SHROOM3: variants seen among roughly 807,000 people sequenced by gnomAD.
SHROOM3 encodes shroom family member 3, also known as protein Shroom3.
In SHROOM3, 47 loss-of-function variants were observed where a neutral mutation model predicts 138.6. The ratio of observed to expected loss-of-function variants is 0.34; its 90% CI spans 0.27 to 0.43. The LOEUF (loss-of-function observed/expected upper bound fraction) is 0.43. Ranked by LOEUF, SHROOM3 falls within the 20% of genes least tolerant of loss-of-function variation. SHROOM3 has a pLI of 1.00. For missense variants in SHROOM3, 2,491 were observed against 2,596.5 expected (o/e 0.96, Z 0.88); for synonymous variants, 1,062 against 1,063.3 (o/e 1.00, Z 0.02).
chr4:76,570,083 G>A (rs966744271), intron 2 of SHROOM3, among the ~76,000 whole-genome samples: 1 of 151,968 alleles, frequency 6.6e-6, no homozygotes, highest in South Asian at 2.1e-4. Flanking sequence ...AATAAAGTTT[G>A]GGGATGGTTT....
At chr4:76,679,904 T>A (rs1719141800) in intron 2 of SHROOM3, among the ~76,000 whole-genome samples, 1 of 152,188 alleles carries the variant, frequency 6.6e-6, no homozygotes, top group South Asian at 2.1e-4. Context: ...CATTACTCAT[T>A]GTCACCTAGA....
intron 2 of SHROOM3, among the ~76,000 whole-genome samples, chr4:76,573,381 CAATAATAATAATAATAATAAT>C (rs6148528): frequency 7.1e-5 from 10 of 141,050 alleles, no homozygotes; most frequent in Non-Finnish European, 1.1e-4. Flanking sequence ...TGCTGGTTGG[CAATAATAATAATAATAATAAT>C]AATAATAATA....
intron 5 of SHROOM3, among the ~76,000 whole-genome samples, chr4:76,745,667 G>A (rs988805781): frequency 1.3e-5 from 2 of 152,196 alleles, no homozygotes; most frequent in African/African-American, 4.8e-5. Context: ...GCCAGTCATT[G>A]TACTGTGTTT....
chr4:76,762,118 T>C lies in SHROOM3; in HGVS notation c.5349+2423T>C, dbSNP rs115348349. On this transcript the variant is annotated intron_variant, in intron 9 of 10. Coordinates refer to ENST00000296043, the MANE Select transcript of SHROOM3 (RefSeq NM_020859.4). The stretch of plus-strand genomic sequence containing the variant: ...TATTAGAATTCAGAAGAAAAAAAAA[T>C]CTGGAAGTTAAGCAACTAGTTTGTC... Among the ~76,000 whole-genome samples, 227 of 152,150 alleles carry C rather than the reference T, an allele frequency of 1.5e-3. 1 individual carries two copies. Among genetic ancestry groups the C allele is most frequent in the African/African-American group, 4.9e-3 (203 of 41,498 alleles).
intron 2 of SHROOM3, among the ~76,000 whole-genome samples, chr4:76,593,088 A>G (rs1183689577): frequency 6.6e-6 from 1 of 152,240 alleles, no homozygotes; most frequent in African/African-American, 2.4e-5. Flanking sequence ...CTCCAAGCAT[A>G]TGAAGACCAT....
intron 1 of SHROOM3, among the ~76,000 whole-genome samples, chr4:76,504,689 G>A (rs1021926540): frequency 5.3e-5 from 8 of 152,108 alleles, no homozygotes; most frequent in East Asian, 1.9e-4. Context: ...CCTAAAGTCC[G>A]ATACATCCTC....
chr4:76,598,634 C>T (rs779763071), intron 2 of SHROOM3, among the ~76,000 whole-genome samples: 2 of 152,250 alleles, frequency 1.3e-5, no homozygotes, highest in Non-Finnish European at 1.5e-5. Flanking sequence ...AAATTCAGCC[C>T]GTGCTTCGCC....
intron 9 of SHROOM3, among the ~76,000 whole-genome samples, chr4:76,764,791 G>T (rs1360072130): frequency 6.6e-6 from 1 of 152,152 alleles, no homozygotes; most frequent in African/African-American, 2.4e-5. Flanking sequence ...TTAGCATTTT[G>T]ATTATGATTT....
At chr4:76,561,464 C>T (rs1733594356) in intron 2 of SHROOM3, among the ~76,000 whole-genome samples, 1 of 151,984 alleles carries the variant, frequency 6.6e-6, no homozygotes, top group African/African-American at 2.4e-5. Context: ...GAATCTAGGT[C>T]TTAAGACTTT....
chr4:76,463,689 G>T (rs540471916), intron 1 of SHROOM3, among the ~76,000 whole-genome samples: 1 of 152,328 alleles, frequency 6.6e-6, no homozygotes, highest in East Asian at 1.9e-4. Flanking sequence ...AAGCCCCACT[G>T]CTCTTTGAAG....
intron 4 of SHROOM3, among the ~76,000 whole-genome samples, chr4:76,735,450 G>A (rs1293090158): frequency 2.0e-5 from 3 of 151,950 alleles, no homozygotes; most frequent in Non-Finnish European, 4.4e-5. Context: ...TTCTACCTTA[G>A]GTTTGCTACA....
At chr4:76,562,831 G>T (rs1039653042) in intron 2 of SHROOM3, among the ~76,000 whole-genome samples, 1 of 152,204 alleles carries the variant, frequency 6.6e-6, no homozygotes, top group African/African-American at 2.4e-5. Flanking sequence ...AAATGGAACA[G>T]AACTCCCTAT....
chr4:76,477,482 T>A (rs891935031), intron 1 of SHROOM3, among the ~76,000 whole-genome samples: 1 of 152,212 alleles, frequency 6.6e-6, no homozygotes, highest in African/African-American at 2.4e-5. Context: ...CCATTCATAA[T>A]GTTCACAGTG....
intron 1 of SHROOM3, among the ~76,000 whole-genome samples, chr4:76,553,911 A>G (rs550374966): frequency 6.6e-6 from 1 of 152,210 alleles, no homozygotes; most frequent in Non-Finnish European, 1.5e-5. Context: ...CCCCACTATC[A>G]AAATCCTGCA....
chr4:76,757,185 TCAAA>T (rs1277621737), intron 8 of SHROOM3: 4 of 508,408 alleles, frequency 7.9e-6, no homozygotes, highest in Non-Finnish European at 1.1e-5. Flanking sequence ...ACGTTGTGTG[TCAAA>T]CATTGTATTA....
chr4:76,750,217 A>G (rs866674720), intron 6 of SHROOM3, among the ~76,000 whole-genome samples: 11 of 152,208 alleles, frequency 7.2e-5, no homozygotes, highest in African/African-American at 2.7e-4. Context: ...TAAATGCTAG[A>G]GACAAGGGAA....
chr4:76,739,910 A>G lies in SHROOM3; in HGVS notation c.1737A>G (p.Gln579=). The change falls in exon 5 of 11, where the codon CAA becomes CAG. Residue 579 remains glutamine (Q), a synonymous_variant. Coordinates refer to ENST00000296043, the MANE Select transcript of SHROOM3 (RefSeq NM_020859.4). The part of the protein sequence containing the change: ...ASLKRHLTPP[Q]GNSPHSNERK... ...TGAAGAGACATCTCACACCTCCCCA[A>G]GGCAACAGCCCACATTCCAATGAGA... is the stretch of plus-strand genomic sequence containing the variant. 6.2e-7 allele frequency: 1 copy of G among 1,614,222 alleles called. No homozygotes were observed. Among genetic ancestry groups the G allele is most frequent in the Non-Finnish European group, 8.5e-7 (1 of 1,180,048 alleles).
At chr4:76,725,004 A>G (rs1358112379) in intron 3 of SHROOM3, among the ~76,000 whole-genome samples, 3 of 152,194 alleles carry the variant, frequency 2.0e-5, no homozygotes, top group East Asian at 3.8e-4. Context: ...TCTGTACGGT[A>G]TGGAAGAATC....
intron 7 of SHROOM3, among the ~76,000 whole-genome samples, chr4:76,756,176 A>T (rs1721804076): frequency 6.6e-6 from 1 of 152,172 alleles, no homozygotes. Flanking sequence ...CTATGTATAT[A>T]TCTATGTATG....
Sources: gnomAD v4.1 joint callset for allele counts (sites outside exome capture counted in the v4.1 genomes callset) on GRCh38, gnomAD v4.1.1 for gene constraint, MANE v1.5 for transcripts, NCBI Gene and HGNC (gene_info 2026-07-23, HGNC 2026-07-21) for gene names.